Variants in CRACR2A observed in about 807,000 individuals in gnomAD.
CRACR2A encodes calcium release activated channel regulator 2A.
Under a neutral mutation model 90.5 loss-of-function variants are expected in CRACR2A, and 79 were observed. The observed-to-expected ratio is 0.87, with a 90% CI of 0.73 to 1.05. The LOEUF (loss-of-function observed/expected upper bound fraction) is 1.05. Ranked by LOEUF, CRACR2A falls within the 50% of genes least tolerant of loss-of-function variation. The probability of loss-of-function intolerance (pLI) is 0.00; values close to 1 mark genes in which losing one functional copy is unlikely to be tolerated. For missense variants in CRACR2A, 823 were observed against 897.2 expected, an observed-to-expected ratio of 0.92 and a Z score of 1.06; for synonymous variants, 338 against 356.7, an observed-to-expected ratio of 0.95 and a Z score of 0.59.
chr12:3,750,041 A>G (rs1180428969), intron 1 of CRACR2A, among the ~76,000 whole-genome samples: 3 of 151,774 alleles, frequency 2.0e-5, no homozygotes, highest in African/African-American at 4.8e-5. Flanking sequence ...GGTTCAACCA[A>G]TTCTCCTGCT....
rs71579243 is a variant in CRACR2A at position 3,697,254 on chromosome 12, C to T, written c.-36-219G>A. Among the ~76,000 whole-genome samples the T allele has an allele frequency of 2.6e-3, 392 of 152,140 alleles. 1 individual carries two copies. The highest frequency in any genetic ancestry group is 0.014 in the South Asian group (66 of 4,812). ...CCATCAAAGGGAGGAGGGAAGAGTGCGGAAAGAAGACAGACATCTCCAGAT... is the reference window on the plus strand; with the variant it reads ...CCATCAAAGGGAGGAGGGAAGAGTGTGGAAAGAAGACAGACATCTCCAGAT... On this transcript the variant is annotated intron_variant, in intron 3 of 19. Coordinates refer to ENST00000440314, the MANE Select transcript of CRACR2A (RefSeq NM_001144958.2).
chr12:3,654,876 C>T (rs772026282), intron 9 of CRACR2A, among the ~76,000 whole-genome samples: 1 of 152,208 alleles, frequency 6.6e-6, no homozygotes, highest in African/African-American at 2.4e-5. Flanking sequence ...CTCCTCTCAA[C>T]TCCAATTCCA....
intron 7 of CRACR2A, among the ~76,000 whole-genome samples, chr12:3,666,465 T>C (rs1591670729): frequency 6.6e-6 from 1 of 151,980 alleles, no homozygotes; most frequent in Non-Finnish European, 1.5e-5. Context: ...AACAAGGATA[T>C]AGGGGTGAAG....
intron 7 of CRACR2A, among the ~76,000 whole-genome samples, chr12:3,662,886 A>G (rs1489397318): frequency 6.6e-6 from 1 of 152,240 alleles, no homozygotes; most frequent in African/African-American, 2.4e-5. Context: ...GAGACAACTC[A>G]TCATGTTTGC....
intron 15 of CRACR2A, among the ~76,000 whole-genome samples, chr12:3,629,837 A>C (rs2137314628): frequency 1.0e-5 from 1 of 97,390 alleles, no homozygotes; most frequent in South Asian, 5.1e-4. Context: ...GAAGGACACA[A>C]GGAAAAGACA....
intron 17 of CRACR2A, among the ~76,000 whole-genome samples, chr12:3,625,647 T>C (rs561761924): frequency 2.7e-5 from 4 of 148,868 alleles, no homozygotes; most frequent in African/African-American, 5.0e-5. Flanking sequence ...GGAAACTCTT[T>C]TGTCTAACAA....
chr12:3,680,248 A>G lies in CRACR2A; in HGVS notation c.330T>C (p.Thr110=). Residue 110 remains threonine (T), a synonymous_variant, in exon 5 of 20, where the codon ACT becomes ACC. Transcript: ENST00000440314. ...GNGYLTPQEF[T]TGFSHFFFSQ... is the part of the protein sequence containing the mutation. The stretch of plus-strand genomic sequence containing the variant: ...CCCATCAGAACTTACTAAATCCAGT[A>G]GTGAACTCCTGTGGGGTCAGATAGC... 1.2e-6 allele frequency: 2 copies of G among 1,614,004 alleles called. No individual in the cohort carries two copies. Among genetic ancestry groups the G allele is most frequent in the East Asian group, 2.2e-5 (1 of 44,882 alleles).
intron 7 of CRACR2A, among the ~76,000 whole-genome samples, chr12:3,669,283 G>A (rs1945199817): frequency 6.6e-6 from 1 of 152,212 alleles, no homozygotes; most frequent in South Asian, 2.1e-4. Context: ...ACTGCTCTAT[G>A]TGCCCTGGAG....
chr12:3,659,360 CAGG>C (rs1225858684), intron 8 of CRACR2A, among the ~76,000 whole-genome samples: 1 of 151,920 alleles, frequency 6.6e-6, no homozygotes, highest in African/African-American at 2.4e-5. Context: ...TATATGCTAG[CAGG>C]AGGAGATAGA....
intron 18 of CRACR2A, among the ~76,000 whole-genome samples, chr12:3,618,830 A>G (rs947794609): frequency 6.6e-6 from 1 of 152,144 alleles, no homozygotes; most frequent in Non-Finnish European, 1.5e-5. Context: ...TCTTGAGTTC[A>G]TGACTTTGAG....
At chr12:3,629,454 G>C (rs1944338706) in intron 15 of CRACR2A, among the ~76,000 whole-genome samples, 1 of 152,244 alleles carries the variant, frequency 6.6e-6, no homozygotes, top group African/African-American at 2.4e-5. Context: ...GGAGACAGAA[G>C]GGGCTGCCTG....
At chr12:3,745,818 A>C (rs571742541) in intron 1 of CRACR2A, among the ~76,000 whole-genome samples, 152 of 5,620 alleles carry the variant, frequency 0.027, no homozygotes, top group Admixed American at 0.04. Flanking sequence ...AATAAAATAA[A>C]ATAAAATAAA....
intron 2 of CRACR2A, chr12:3,731,620 G>C (rs1946362318): frequency 6.6e-6 from 1 of 152,190 alleles, no homozygotes; most frequent in African/African-American, 2.4e-5. Flanking sequence ...ACTTAGTGTG[G>C]CAGCTTGAAC....
intron 17 of CRACR2A, among the ~76,000 whole-genome samples, chr12:3,619,712 C>CTGCA (rs1235784785): frequency 1.3e-5 from 2 of 152,226 alleles, no homozygotes; most frequent in Non-Finnish European, 2.9e-5. Flanking sequence ...TGCCAACAGG[C>CTGCA]TGCATGCCTC....
chr12:3,619,128 A>T, intron 18 of CRACR2A, 143 bp downstream of exon 18: 1 of 639,834 alleles, frequency 1.6e-6, no homozygotes, highest in Non-Finnish European at 2.7e-6. Context: ...AGCCATTCCC[A>T]GGATACCAAG....
intron 1 of CRACR2A, among the ~76,000 whole-genome samples, chr12:3,743,160 T>G (rs145190527): frequency 3.3e-5 from 5 of 152,258 alleles, no homozygotes; most frequent in Admixed American, 3.3e-4. Flanking sequence ...AAATAGGGCT[T>G]GTACATTTTT....
At chr12:3,686,848 G>A (rs1045846401) in intron 4 of CRACR2A, among the ~76,000 whole-genome samples, 3 of 152,176 alleles carry the variant, frequency 2.0e-5, no homozygotes, top group African/African-American at 2.4e-5. Flanking sequence ...GCAGGTCAAC[G>A]TCCATCATCT....
At chr12:3,690,108 ACCT>A (rs2137666982) in intron 4 of CRACR2A, among the ~76,000 whole-genome samples, 2 of 150,476 alleles carry the variant, frequency 1.3e-5, no homozygotes, top group East Asian at 1.9e-4. Context: ...AAAAGAAAAA[ACCT>A]CCTGGATTCA....
intron 14 of CRACR2A, 109 bp downstream of exon 14, chr12:3,638,015 G>T: frequency 1.9e-6 from 2 of 1,069,832 alleles, no homozygotes; most frequent in Non-Finnish European, 2.6e-6. Flanking sequence ...TGAATCATAA[G>T]ACCTGCAGCA....
Sources: allele counts gnomAD v4.1 joint callset (sites outside exome capture counted in the v4.1 genomes callset), GRCh38; gene constraint gnomAD v4.1.1; transcripts MANE v1.5; gene names NCBI Gene and HGNC (gene_info 2026-07-23, HGNC 2026-07-21).